Variants in CLC observed in about 807,000 individuals in gnomAD.
CLC encodes Charcot-Leyden crystal galectin.
CLC carries 15 observed loss-of-function variants against 13.9 expected under a neutral mutation model. That is an observed-to-expected ratio of 1.08 (90% CI 0.72 to 1.66). The LOEUF is 1.66. Ranked by LOEUF, CLC falls within the 40% of genes most tolerant of loss-of-function variation. The pLI is 0.00. For missense variants in CLC, 161 were observed against 169.1 expected (o/e 0.95, Z 0.27); for synonymous variants, 68 against 59.9 (o/e 1.14, Z -0.63).
chr19:39,734,533 TGTG>T lies in CLC; in HGVS notation c.93-43_93-41del, dbSNP rs1200063354. 1.9e-6 allele frequency: 3 copies of T among 1,541,540 alleles called. No homozygotes were observed. In the African/African-American group the frequency reaches 4.1e-5, roughly 21 times the overall value. ...CACAGTGTTGAGCAGGTCCCTTTCT[TGTG>T]GGGCACACACAAGACACACACACAA... On this transcript the variant is annotated intron_variant, in intron 2 of 3. Transcript: ENST00000221804.
At position 39,734,427 on chromosome 19, in the gene CLC, A is replaced by T. The variant is rs773586249; in HGVS notation, c.159T>A (p.His53Gln). 6.2e-7 allele frequency: 1 copy of T among 1,614,158 alleles called. No homozygotes were observed. The highest frequency in any genetic ancestry group is 8.5e-7 in the Non-Finnish European group (1 of 1,179,984). The change falls in exon 3 of 4, where the codon CAT becomes CAA. Residue 53 changes from histidine (H) to glutamine (Q), a missense_variant. Coordinates refer to ENST00000221804, the MANE Select transcript of CLC (RefSeq NM_001828.6). ...CACGACGACCAAAGCACACTTGGAA[A>T]TGGAAGACAATGTCTGATTCCTCCT... ...EMKEESDIVF[H>Q]FQVCFGRRVV...
chr19:39,732,089 T>G (rs1055586989), intron 3 of CLC, among the ~76,000 whole-genome samples: 1 of 147,964 alleles, frequency 6.8e-6, no homozygotes, highest in Admixed American at 6.7e-5. Flanking sequence ...TTATTTATTT[T>G]TTTTATTATA....
In CLC at chr19:39,734,458, T is replaced by A; in HGVS notation, c.128A>T (p.Glu43Val). Residue 43 changes from glutamate (E) to valine (V), a missense_variant, in exon 3 of 4, where the codon GAG (glutamate) becomes GTG (valine). Glu to Val is a moderately radical substitution (Grantham distance 121, BLOSUM62 -2). Transcript: ENST00000221804. ...EPYLQVDFHT[E>V]MKEESDIVFH... ...GACAATGTCTGATTCCTCCTTCATCTCAGTGTGGAAATCCACCTGCAGATA... is the reference window on the plus strand; with the variant it reads ...GACAATGTCTGATTCCTCCTTCATCACAGTGTGGAAATCCACCTGCAGATA... 1 of 1,614,152 alleles carries A rather than the reference T, an allele frequency of 6.2e-7. No homozygotes were observed. Among genetic ancestry groups the A allele is most frequent in the African/African-American group, 1.3e-5 (1 of 75,062 alleles).
At chr19:39,737,533 A>G (rs1039560884) in intron 1 of CLC, among the ~76,000 whole-genome samples, 8 of 152,134 alleles carry the variant, frequency 5.3e-5, no homozygotes, top group African/African-American at 1.4e-4. Flanking sequence ...CTCACTGTGC[A>G]TATAAAGATG....
At chr19:39,731,660 C>G (rs141739943) in intron 3 of CLC, among the ~76,000 whole-genome samples, 155 bp from the exon 4 acceptor site, 32 of 152,316 alleles carry the variant, frequency 2.1e-4, no homozygotes, top group Admixed American at 5.2e-4. Context: ...TACAGACTAC[C>G]TGTTGTAACT....
chr19:39,734,918 G>T, intron 2 of CLC, 79 bp downstream of exon 2: 1 of 1,113,488 alleles, frequency 9.0e-7, no homozygotes, highest in Non-Finnish European at 1.4e-6. Flanking sequence ...CTTTCCACAT[G>T]ATTCACACAT....
Position 39,731,478 on chromosome 19 carries a change from T to C in CLC, c.331A>G (p.Thr111Ala), listed in dbSNP as rs1967224315. 1.2e-6 allele frequency: 2 copies of C among 1,612,420 alleles called. No individual in the cohort carries two copies. The highest frequency in any genetic ancestry group is 4.5e-5 in the East Asian group (2 of 44,810). The change falls in exon 4 of 4, where the codon ACC becomes GCC. Residue 111 changes from threonine (T) to alanine (A), a missense_variant. By Grantham distance (58) the Thr-to-Ala change is moderately conservative. Coordinates refer to ENST00000221804, the MANE Select transcript of CLC (RefSeq NM_001828.6). ...TCAGGCTTGATTCTATGGTCAAAGG[T>C]GTAAGAGGATTGGCCATTGACCATT... ...QVMVNGQSSY[T>A]FDHRIKPEAV...
At chr19:39,737,136 G>T (rs1047686138) in intron 1 of CLC, among the ~76,000 whole-genome samples, 2 of 152,092 alleles carry the variant, frequency 1.3e-5, no homozygotes, top group Admixed American at 1.3e-4. Context: ...CCAGGCTAGG[G>T]TAGGAGACAG....
At position 39,738,022 on chromosome 19, in the gene CLC, T is replaced by C; in HGVS notation, c.-70A>G. 6.6e-7 allele frequency: 1 copy of C among 1,507,940 alleles called. No homozygotes were observed. Among genetic ancestry groups the C allele is most frequent in the African/African-American group, 1.4e-5 (1 of 72,038 alleles). 93.4% of individuals were successfully genotyped at this position (1,507,940 alleles called of 1,614,324 possible). On this transcript the variant is annotated 5_prime_UTR_variant, in exon 1 of 4. Coordinates refer to ENST00000221804, the MANE Select transcript of CLC (RefSeq NM_001828.6). ...CTGTGTGAATCTCTGAGCTGCAGAA[T>C]TTAAATGGCCCCTATCAGCCCTGCC...
At chr19:39,733,184 A>T (rs1348493067) in intron 3 of CLC, among the ~76,000 whole-genome samples, 3 of 151,988 alleles carry the variant, frequency 2.0e-5, no homozygotes. Context: ...AATGCTCATC[A>T]TCACTGGCCA....
intron 1 of CLC, among the ~76,000 whole-genome samples, chr19:39,736,845 C>T (rs987268869): frequency 6.6e-6 from 1 of 151,950 alleles, no homozygotes; most frequent in Non-Finnish European, 1.5e-5. Flanking sequence ...ATATGCCCCC[C>T]AGCAGCTGGA....
At chr19:39,732,881 C>T (rs1271528743) in intron 3 of CLC, among the ~76,000 whole-genome samples, 17 of 140,228 alleles carry the variant, frequency 1.2e-4, no homozygotes, top group Middle Eastern at 3.5e-3. Context: ...ACTTCATGTC[C>T]AAAACACCAA....
chr19:39,734,435 C>T lies in CLC; in HGVS notation c.151G>A (p.Val51Ile). The change falls in exon 3 of 4, where the codon GTC (valine) becomes ATC (isoleucine). Residue 51 changes from valine to isoleucine, a missense_variant. Transcript: ENST00000221804. ...HTEMKEESDIVFHFQVCFGRR... is the reference protein window; with the variant it reads ...HTEMKEESDIIFHFQVCFGRR... The stretch of plus-strand genomic sequence containing the variant: ...CCAAAGCACACTTGGAAATGGAAGA[C>T]AATGTCTGATTCCTCCTTCATCTCA... The T allele has an allele frequency of 1.2e-6, 2 of 1,614,188 alleles. No homozygotes were observed. Among genetic ancestry groups the T allele is most frequent in the African/African-American group, 1.3e-5 (1 of 75,062 alleles).
chr19:39,733,904 T>A (rs977404455), intron 3 of CLC: 16 of 982,718 alleles, frequency 1.6e-5, no homozygotes, highest in African/African-American at 1.8e-5. Context: ...TTTAGCTACA[T>A]GAAAATTTAA....
intron 3 of CLC, chr19:39,733,935 T>C (rs1967266479): frequency 1.6e-5 from 16 of 984,638 alleles, no homozygotes; most frequent in Non-Finnish European, 1.8e-5. Flanking sequence ...AAGGGGAAGA[T>C]AGAGGATATT....
At chr19:39,733,891 C>T in intron 3 of CLC, 1 of 969,096 alleles carries the variant, frequency 1.0e-6, no homozygotes, top group Non-Finnish European at 1.2e-6. Flanking sequence ...TATATCTTAT[C>T]CATTTAGCTA....
At chr19:39,736,196 A>G (rs1967306514) in intron 1 of CLC, among the ~76,000 whole-genome samples, 1 of 151,566 alleles carries the variant, frequency 6.6e-6, no homozygotes, top group African/African-American at 2.4e-5. Flanking sequence ...AACCACCAAA[A>G]AAAAAAAGAA....
chr19:39,736,203 AG>A lies in CLC; in HGVS notation c.16-1131del, dbSNP rs201960485. Among the ~76,000 whole-genome samples, 230 of 148,582 alleles carry A rather than the reference AG, an allele frequency of 1.5e-3. 1 individual carries two copies. The highest frequency in any genetic ancestry group is 7.0e-3 in the Middle Eastern group (2 of 286). ...ATCATTTTAACCACCAAAAAAAAAA[AG>A]AAAGAAAGAAACAACACTTGTTGAA... On this transcript the variant is annotated intron_variant, in intron 1 of 3. Coordinates refer to ENST00000221804, the MANE Select transcript of CLC (RefSeq NM_001828.6).
At chr19:39,731,682 T>C (rs1461932520) in intron 3 of CLC, among the ~76,000 whole-genome samples, 177 bp from the exon 4 acceptor site, 1 of 152,192 alleles carries the variant, frequency 6.6e-6, no homozygotes, top group Non-Finnish European at 1.5e-5. Context: ...TCTGAGACAG[T>C]TGCTCACTGT....
Sources: allele counts gnomAD v4.1 joint callset (sites outside exome capture counted in the v4.1 genomes callset), GRCh38; gene constraint gnomAD v4.1.1; transcripts MANE v1.5; gene names NCBI Gene and HGNC (gene_info 2026-07-23, HGNC 2026-07-21).